The following TUSC3 variants were observed in gnomAD, a reference collection of about 807,000 sequenced individuals.
TUSC3 encodes the protein dolichyl-diphosphooligosaccharide--protein glycosyltransferase subunit TUSC3.
In TUSC3, 45 loss-of-function variants were observed where a neutral mutation model predicts 44.8. That is an observed-to-expected ratio of 1.00 (90% CI 0.79 to 1.29). The LOEUF (loss-of-function observed/expected upper bound fraction) is 1.29, where lower values mean the gene tolerates loss of function less well. Among genes scored for constraint, TUSC3 ranks in the 50% most tolerant of loss-of-function variants. The pLI, the probability that TUSC3 is intolerant of heterozygous loss-of-function variation, is 0.00. For synonymous variants in TUSC3, 212 were observed against 152.9 expected (o/e 1.39, Z -2.85); for missense variants, 519 against 437.9 (o/e 1.19, Z -1.65).
intron 2 of TUSC3, among the ~76,000 whole-genome samples, chr8:15,632,639 A>AT (rs1479201601): frequency 1.3e-5 from 2 of 152,202 alleles, no homozygotes; most frequent in African/African-American, 4.8e-5. Flanking sequence ...TCTGAACTTG[A>AT]TATTACATTA....
At chr8:15,675,851 G>C (rs1808164923) in intron 6 of TUSC3, among the ~76,000 whole-genome samples, 2 of 152,080 alleles carry the variant, frequency 1.3e-5, no homozygotes, top group Admixed American at 6.6e-5. Flanking sequence ...GGACACCTCA[G>C]TTGCTTCCAT....
upstream of TUSC3, among the ~76,000 whole-genome samples, chr8:15,538,181 A>T (rs996324185): frequency 6.6e-5 from 10 of 152,198 alleles, no homozygotes; most frequent in African/African-American, 2.2e-4. Context: ...ACCATGACCA[A>T]ATAAGGCAAA....
intron 1 of TUSC3, among the ~76,000 whole-genome samples, chr8:15,584,106 A>T (rs1002979812): frequency 6.6e-6 from 1 of 152,234 alleles, no homozygotes; most frequent in African/African-American, 2.4e-5. Flanking sequence ...AATTTGAAAT[A>T]TTTAGATGTT....
chr8:15,501,920 C>A (rs1281099299), intron 2 of TUSC3, among the ~76,000 whole-genome samples: 1 of 152,200 alleles, frequency 6.6e-6, no homozygotes, highest in African/African-American at 2.4e-5. Flanking sequence ...TTAGTTCAGT[C>A]TTGATCTCTG....
chr8:15,819,834 G>T, the TUSC3 span, among the ~76,000 whole-genome samples: 1 of 152,048 alleles, frequency 6.6e-6, no homozygotes, highest in African/African-American at 2.4e-5. Context: ...CTAGAACTTG[G>T]GCGTATTTAT....
chr8:15,715,951 G>T (rs1810040052), intron 6 of TUSC3, among the ~76,000 whole-genome samples: 1 of 151,962 alleles, frequency 6.6e-6, no homozygotes. Context: ...AGTTTTGACT[G>T]TGCTTACATA....
At chr8:15,806,404 A>G in the TUSC3 span, 16 of 720,354 alleles carry the variant, frequency 2.2e-5, no homozygotes, top group African/African-American at 3.3e-4. Context: ...GCTTCTGGTG[A>G]TACTTTGGGT....
chr8:15,494,478 C>A (rs1320496896), intron 2 of TUSC3, among the ~76,000 whole-genome samples: 1 of 151,996 alleles, frequency 6.6e-6, no homozygotes, highest in Non-Finnish European at 1.5e-5. Context: ...CCACCATGCC[C>A]AGCTGATTTT....
the TUSC3 span, among the ~76,000 whole-genome samples, chr8:15,835,374 A>AT: frequency 0.18 from 27,722 of 151,654 alleles, 3,426 homozygotes; most frequent in African/African-American, 0.35. Context: ...TGTTTTGCTG[A>AT]TTTTTTTAAT....
At chr8:15,776,283 CCT>C in the TUSC3 span, among the ~76,000 whole-genome samples, 1 of 151,958 alleles carries the variant, frequency 6.6e-6, no homozygotes, top group African/African-American at 2.4e-5. Context: ...TTTCCTGTGG[CCT>C]CTCAAGGAAG....
chr8:15,551,887 C>G (rs1488987749), intron 1 of TUSC3, among the ~76,000 whole-genome samples: 1 of 151,682 alleles, frequency 6.6e-6, no homozygotes, highest in African/African-American at 2.4e-5. Context: ...ATACATAGTT[C>G]ATAATCTTTG....
chr8:15,559,572 C>G lies in TUSC3; in HGVS notation c.138+19004C>G, dbSNP rs573882253. Reference sequence around the variant, plus strand: ...CTGGGTATCCTTGTTGACTTTCTGTCTCGTTGATCTGTCTAATGTTGACGG... The same window carrying G: ...CTGGGTATCCTTGTTGACTTTCTGTGTCGTTGATCTGTCTAATGTTGACGG... On this transcript the variant is annotated intron_variant, in intron 1 of 10. Coordinates refer to ENST00000503731, the MANE Select transcript of TUSC3 (RefSeq NM_006765.4). Among the ~76,000 whole-genome samples, 42 of 141,080 alleles carry G rather than the reference C, an allele frequency of 3.0e-4. 3 individuals carry two copies. The highest frequency in any genetic ancestry group is 4.9e-4 in the Non-Finnish European group (31 of 63,772). The allele number at this position is 141,080 out of a possible 152,430, so 92.6% of individuals were successfully genotyped here.
intron 2 of TUSC3, among the ~76,000 whole-genome samples, chr8:15,642,279 A>T (rs1806407008): frequency 6.6e-6 from 1 of 152,218 alleles, no homozygotes; most frequent in Non-Finnish European, 1.5e-5. Flanking sequence ...TTCAAGAATT[A>T]TTTAAGAATA....
At chr8:15,494,034 G>A (rs1800845638) in intron 2 of TUSC3, among the ~76,000 whole-genome samples, 1 of 152,076 alleles carries the variant, frequency 6.6e-6, no homozygotes, top group South Asian at 2.1e-4. Context: ...TCTTACACTC[G>A]TGGCATGCTT....
chr8:15,554,472 C>G (rs939118086), intron 1 of TUSC3, among the ~76,000 whole-genome samples: 4 of 151,498 alleles, frequency 2.6e-5, no homozygotes, highest in African/African-American at 9.7e-5. Context: ...GCCTCCCTGA[C>G]AACTCACAAT....
rs560841971 is a variant in TUSC3 at position 15,702,858 on chromosome 8, G to C, written c.799-27808G>C. Among the ~76,000 whole-genome samples, 4 of 152,206 alleles carry C rather than the reference G, an allele frequency of 2.6e-5. No individual in the cohort carries two copies. In the South Asian group the frequency reaches 8.3e-4, roughly 32 times the overall value. On this transcript the variant is annotated intron_variant, in intron 6 of 10. Transcript: ENST00000503731. ...TAGCTTCATCAGACTAGAAACTCAT[G>C]GTCCACTTGGTTTCAGCATTGCTAG... is the stretch of plus-strand genomic sequence containing the variant.
chr8:15,669,618 A>G (rs1446313456), intron 5 of TUSC3, among the ~76,000 whole-genome samples: 2 of 151,832 alleles, frequency 1.3e-5, no homozygotes, highest in African/African-American at 4.8e-5. Flanking sequence ...ACAAAAAAAT[A>G]TGATCATCTT....
intron 2 of TUSC3, among the ~76,000 whole-genome samples, chr8:15,493,584 G>T (rs920239531): frequency 6.6e-5 from 10 of 152,094 alleles, no homozygotes; most frequent in African/African-American, 2.2e-4. Flanking sequence ...TTAATAAAAA[G>T]AATTAGCAAA....
At chr8:15,665,404 C>G (rs1807613863) in intron 5 of TUSC3, among the ~76,000 whole-genome samples, 1 of 151,380 alleles carries the variant, frequency 6.6e-6, no homozygotes, top group African/African-American at 2.4e-5. Flanking sequence ...AAAAGTACTT[C>G]CAAGGAGAAT....
Sources: allele counts gnomAD v4.1 joint callset (sites outside exome capture counted in the v4.1 genomes callset), GRCh38; gene constraint gnomAD v4.1.1; transcripts MANE v1.5; gene names NCBI Gene and HGNC (gene_info 2026-07-23, HGNC 2026-07-21).